ADAMTS9: variants seen among roughly 807,000 people sequenced by gnomAD.
The protein encoded by ADAMTS9 is ADAM metallopeptidase with thrombospondin type 1 motif 9.
Under a neutral mutation model 257.1 loss-of-function variants are expected in ADAMTS9, and 107 were observed. The observed-to-expected ratio is 0.42, with a 90% CI of 0.36 to 0.49. ADAMTS9 has a LOEUF of 0.49. Ranked by LOEUF, ADAMTS9 falls within the 20% of genes least tolerant of loss-of-function variation. ADAMTS9 has a pLI of 0.03. For missense variants in ADAMTS9, 2,353 were observed against 2,469.1 expected, an observed-to-expected ratio of 0.95 and a Z score of 1.00; for synonymous variants, 982 against 880.9, an observed-to-expected ratio of 1.11 and a Z score of -2.03.
rs1233561933 is a variant in ADAMTS9 at position 64,533,161 on chromosome 3, C to T, written c.5718+5G>A. ...TCATCTCCCAACCCATCTGTAGAAC[C>T]TTACCGGCGACTTCTTGATGTCAGA... On this transcript the variant is annotated splice_donor_5th_base_variant and intron_variant, in intron 38 of 39. Transcript: ENST00000498707. 6.2e-7 allele frequency: 1 copy of T among 1,610,074 alleles called. No individual in the cohort carries two copies. Among genetic ancestry groups the T allele is most frequent in the South Asian group, 1.1e-5 (1 of 90,840 alleles).
At chr3:64,665,317 T>C (rs776716083) in intron 3 of ADAMTS9, among the ~76,000 whole-genome samples, 3 of 152,134 alleles carry the variant, frequency 2.0e-5, no homozygotes, top group Non-Finnish European at 4.4e-5. Context: ...GAAGAACTCA[T>C]GCAATGAAGG....
intron 23 of ADAMTS9, among the ~76,000 whole-genome samples, chr3:64,604,803 A>G (rs1294705955): frequency 1.3e-5 from 2 of 152,206 alleles, no homozygotes; most frequent in Admixed American, 1.3e-4. Context: ...AGAATGTCAA[A>G]TGTAGATATA....
At chr3:64,582,760 G>C (rs1035372504) in intron 28 of ADAMTS9, 2 of 152,182 alleles carry the variant, frequency 1.3e-5, no homozygotes, top group Non-Finnish European at 2.9e-5. Context: ...ATAGTGCCAA[G>C]GTTGGGAAAC....
chr3:64,642,070 AC>A, intron 11 of ADAMTS9, 77 bp from the exon 12 acceptor site: 1 of 1,501,114 alleles, frequency 6.7e-7, no homozygotes. Context: ...TTTTAAACAC[AC>A]CATACTGTAA....
intron 11 of ADAMTS9, among the ~76,000 whole-genome samples, chr3:64,643,261 T>A (rs143072209): frequency 6.6e-6 from 1 of 152,046 alleles, no homozygotes; most frequent in Non-Finnish European, 1.5e-5. Flanking sequence ...AATGAACAGA[T>A]GGACGGCTTT....
At chr3:64,552,493 T>A (rs1273150408) in intron 30 of ADAMTS9, among the ~76,000 whole-genome samples, 1 of 152,184 alleles carries the variant, frequency 6.6e-6, no homozygotes, top group Non-Finnish European at 1.5e-5. Context: ...AGGCCAGGGA[T>A]TGAATACCCT....
At chr3:64,582,017 G>GA (rs1311474021) in intron 28 of ADAMTS9, among the ~76,000 whole-genome samples, 1 of 152,108 alleles carries the variant, frequency 6.6e-6, no homozygotes, top group Non-Finnish European at 1.5e-5. Context: ...CTTTTTAAAG[G>GA]AAAAGAATTG....
At chr3:64,591,376 G>T (rs1025483140) in intron 28 of ADAMTS9, among the ~76,000 whole-genome samples, 6 of 151,826 alleles carry the variant, frequency 4.0e-5, no homozygotes, top group African/African-American at 1.5e-4. Flanking sequence ...GGAGGAGGAG[G>T]TTGCAGTGAG....
intron 16 of ADAMTS9, among the ~76,000 whole-genome samples, chr3:64,629,632 C>T (rs992072245): frequency 1.3e-5 from 2 of 152,242 alleles, no homozygotes; most frequent in Non-Finnish European, 2.9e-5. Flanking sequence ...CAGCACTTAT[C>T]ACTATAACAC....
rs1446651819 is a variant in ADAMTS9, at chr3:64,655,826, A to G, written c.1019T>C (p.Val340Ala). 2 of 1,573,300 alleles carry G rather than the reference A, an allele frequency of 1.3e-6. No homozygotes were observed. Among genetic ancestry groups the G allele is most frequent in the Non-Finnish European group, 1.7e-6 (2 of 1,165,644 alleles). The change falls in exon 5 of 40, where the codon GTT (valine) becomes GCT (alanine). Residue 340 changes from valine to alanine, a missense_variant. Coordinates refer to ENST00000498707, the MANE Select transcript of ADAMTS9 (RefSeq NM_182920.2). ...ATGAATCACAATTAAGTTCACAATA[A>G]CAATATTAATTAAATTTCCAATACT... The part of the protein sequence containing the change: ...DPSIGNLINI[V>A]IVNLIVIHNE...
intron 22 of ADAMTS9, among the ~76,000 whole-genome samples, chr3:64,612,438 G>A (rs1204197473): frequency 6.6e-6 from 1 of 152,182 alleles, no homozygotes; most frequent in Non-Finnish European, 1.5e-5. Context: ...TTGGCAATTT[G>A]GACTGTGGAT....
chr3:64,641,834 A>T lies in ADAMTS9; in HGVS notation c.1856+14T>A, dbSNP rs780125095. 5.0e-6 allele frequency: 8 copies of T among 1,613,280 alleles called. No homozygotes were observed. Among genetic ancestry groups the T allele is most frequent in the Non-Finnish European group, 6.8e-6 (8 of 1,179,710 alleles). ...GCCACGGCAGTAATAACAGTTATACATTCTAGGACTTACTCTGGTCTGTTG... is the reference window on the plus strand; with the variant it reads ...GCCACGGCAGTAATAACAGTTATACTTTCTAGGACTTACTCTGGTCTGTTG... On this transcript the variant is annotated intron_variant, in intron 12 of 39. Coordinates refer to ENST00000498707, the MANE Select transcript of ADAMTS9 (RefSeq NM_182920.2).
intron 4 of ADAMTS9, among the ~76,000 whole-genome samples, 170 bp downstream of exon 4, chr3:64,658,332 G>C (rs987579624): frequency 6.6e-6 from 1 of 152,204 alleles, no homozygotes; most frequent in African/African-American, 2.4e-5. Context: ...GATAACCACT[G>C]TTGTCAGTTT....
At chr3:64,541,297 T>C (rs780824694) in intron 35 of ADAMTS9, 23 bp downstream of exon 35, 2 of 1,614,044 alleles carry the variant, frequency 1.2e-6, no homozygotes, top group South Asian at 2.2e-5. Context: ...GCCTCTGAGA[T>C]CTTCTGAGCC....
chr3:64,636,136 T>C (rs966470910), intron 12 of ADAMTS9, among the ~76,000 whole-genome samples: 2 of 152,218 alleles, frequency 1.3e-5, no homozygotes, highest in Non-Finnish European at 2.9e-5. Flanking sequence ...TTGAAATTTA[T>C]CAAATGCAGC....
At chr3:64,618,668 T>C (rs990711854) in intron 19 of ADAMTS9, among the ~76,000 whole-genome samples, 2 of 152,156 alleles carry the variant, frequency 1.3e-5, no homozygotes, top group African/African-American at 2.4e-5. Context: ...GTGTAGCATT[T>C]CACACATATG....
In ADAMTS9 at chr3:64,686,473, C is replaced by A. The variant is rs1701910294; in HGVS notation, c.516+95G>T. On this transcript the variant is annotated intron_variant, in intron 2 of 39. Transcript: ENST00000498707. This position sits in a 1 kb window ranked among gnomAD's most constrained non-coding sequence, Gnocchi z 4.6. ...AACGCCGGAGAGGAGCGGAGCCTCG[C>A]CACAGTGAGGGTCTCTAGGCTTAGA... 7.0e-7 allele frequency: 1 copy of A among 1,432,354 alleles called. No homozygotes were observed. The allele number at this position is 1,432,354 out of a possible 1,614,324, so 88.7% of individuals were successfully genotyped here. A position where few individuals can be genotyped will look rare whatever the true frequency, so the allele number is the denominator to read the frequency against.
At chr3:64,593,267 A>G (rs999139367) in intron 28 of ADAMTS9, among the ~76,000 whole-genome samples, 12 of 152,184 alleles carry the variant, frequency 7.9e-5, no homozygotes, top group African/African-American at 2.7e-4. Flanking sequence ...ACTCTTAGAA[A>G]TGTCAACAGG....
At chr3:64,672,129 T>C (rs11709697) in intron 3 of ADAMTS9, among the ~76,000 whole-genome samples, 148,005 of 152,302 alleles carry the variant, frequency 0.97, 71,945 homozygotes, top group East Asian at 1. Flanking sequence ...TCTTCCAGAG[T>C]CTTCTGCTGA....
Sources: gnomAD v4.1 joint callset for allele counts (sites outside exome capture counted in the v4.1 genomes callset) on GRCh38, gnomAD v4.1.1 for gene constraint, Gnocchi (gnomAD v3.1) non-coding constraint, MANE v1.5 for transcripts, NCBI Gene and HGNC (gene_info 2026-07-23, HGNC 2026-07-21) for gene names.